CELF2: variants seen among roughly 807,000 people sequenced by gnomAD.
CELF2 encodes the protein CUGBP Elav-like family member 2, also known as CUG triplet repeat RNA-binding protein 2.
CELF2 carries 8 observed loss-of-function variants against 62.6 expected under a neutral mutation model. The observed-to-expected ratio is 0.13, with a 90% CI of 0.07 to 0.23. CELF2 has a LOEUF of 0.23. CELF2 is among the 10% of genes least tolerant of loss of function. CELF2 has a pLI of 1.00. For synonymous variants in CELF2, 258 were observed against 250.0 expected (o/e 1.03, Z -0.30); for missense variants, 333 against 671.0 (o/e 0.50, Z 5.56).
chr10:10,869,421 G>A (rs2060591060), intron 1 of CELF2, among the ~76,000 whole-genome samples: 1 of 152,086 alleles, frequency 6.6e-6, no homozygotes, highest in Non-Finnish European at 1.5e-5. Flanking sequence ...AATTAATTGG[G>A]CATGGTGGTG....
At chr10:10,924,593 G>C (rs1379483496) in intron 2 of CELF2, among the ~76,000 whole-genome samples, 1 of 152,012 alleles carries the variant, frequency 6.6e-6, no homozygotes, top group Non-Finnish European at 1.5e-5. Flanking sequence ...AAAATAATTC[G>C]GTATATAAAT....
chr10:10,631,793 T>C, the CELF2 span, among the ~76,000 whole-genome samples: 5 of 151,978 alleles, frequency 3.3e-5, no homozygotes, highest in Non-Finnish European at 7.4e-5. Flanking sequence ...TTCTAAAAAA[T>C]GTAAGATAAG....
the CELF2 span, among the ~76,000 whole-genome samples, chr10:10,737,398 A>ATTAT: frequency 6.6e-6 from 1 of 152,108 alleles, no homozygotes; most frequent in South Asian, 2.1e-4. Flanking sequence ...TTATCTCTAA[A>ATTAT]CAGCTCTTTC....
the CELF2 span, among the ~76,000 whole-genome samples, chr10:10,515,307 A>T: frequency 0.43 from 65,942 of 151,660 alleles, 14,603 homozygotes; most frequent in African/African-American, 0.46. Flanking sequence ...CAATTCAATT[A>T]TGTGCTAAAA....
intron 1 of CELF2, among the ~76,000 whole-genome samples, chr10:11,135,341 C>A (rs748148090): frequency 4.3e-4 from 66 of 152,236 alleles, no homozygotes; most frequent in Non-Finnish European, 7.2e-4. Context: ...CCTGACAAGT[C>A]TTTTCTCGTA....
At chr10:11,000,669 C>T (rs1464489344), upstream of CELF2, among the ~76,000 whole-genome samples, 1 of 152,172 alleles carries the variant, frequency 6.6e-6, no homozygotes, top group East Asian at 1.9e-4. Flanking sequence ...GTGAAAGCAA[C>T]TCATATGAAC....
the CELF2 span, among the ~76,000 whole-genome samples, chr10:10,580,566 C>A: frequency 2.6e-5 from 4 of 152,196 alleles, no homozygotes; most frequent in Non-Finnish European, 4.4e-5. Context: ...CAAGCTCCTT[C>A]ATTTTTCTGG....
At chr10:11,061,546 T>C (rs2066723786) in intron 1 of CELF2, among the ~76,000 whole-genome samples, 1 of 152,234 alleles carries the variant, frequency 6.6e-6, no homozygotes, top group Admixed American at 6.5e-5. Context: ...TCAAGGTAAA[T>C]GAAACAGCCT....
chr10:11,310,283 T>A (rs1023495372), intron 9 of CELF2, among the ~76,000 whole-genome samples: 2 of 152,118 alleles, frequency 1.3e-5, no homozygotes, highest in African/African-American at 2.4e-5. Context: ...TTTGGAGCTG[T>A]GGGAAGAGGT....
the CELF2 span, among the ~76,000 whole-genome samples, chr10:10,592,359 C>T: frequency 1.3e-5 from 2 of 152,060 alleles, no homozygotes; most frequent in Admixed American, 6.6e-5. Context: ...TTTTTTCTAT[C>T]CAGTTACAGG....
chr10:11,105,602 C>T (rs1453992798), intron 1 of CELF2: 1 of 152,274 alleles, frequency 6.6e-6, no homozygotes. Flanking sequence ...ACTGGGTTTT[C>T]ATTTTGGGTT....
chr10:11,258,580 C>T (rs1172491189), intron 5 of CELF2, among the ~76,000 whole-genome samples: 1 of 152,200 alleles, frequency 6.6e-6, no homozygotes, highest in Non-Finnish European at 1.5e-5. Flanking sequence ...GTTTGCCTCT[C>T]CCTTGACAAT....
At chr10:11,124,395 A>T (rs1212817367) in intron 1 of CELF2, among the ~76,000 whole-genome samples, 1 of 152,210 alleles carries the variant, frequency 6.6e-6, no homozygotes, top group Non-Finnish European at 1.5e-5. Flanking sequence ...TATCACTTAG[A>T]TTCTTAATTC....
chr10:10,954,420 ATT>A (rs904024682), intron 2 of CELF2, among the ~76,000 whole-genome samples: 1 of 151,584 alleles, frequency 6.6e-6, no homozygotes, highest in Admixed American at 6.6e-5. Context: ...TAATTTTTGT[ATT>A]TTTTTAGTAG....
the CELF2 span, among the ~76,000 whole-genome samples, chr10:10,605,175 A>T: frequency 1.1e-4 from 16 of 152,214 alleles, no homozygotes; most frequent in African/African-American, 3.9e-4. Context: ...GCAGGAAAAG[A>T]AAACCAAACA....
Position 11,018,005 on chromosome 10 carries a change from G to T in CELF2, c.-85G>T. The T allele has an allele frequency of 9.6e-7, 1 of 1,045,146 alleles. No individual in the cohort carries two copies. Among genetic ancestry groups the T allele is most frequent in the African/African-American group, 1.7e-5 (1 of 57,856 alleles). The allele number at this position is 1,045,146 out of a possible 1,614,324, so 64.7% of individuals were successfully genotyped here. A position where few individuals can be genotyped will look rare whatever the true frequency, so the allele number is the denominator to read the frequency against. On this transcript the variant is annotated 5_prime_UTR_variant, in exon 1 of 13. Transcript: ENST00000633077. ...CCGCCGGGGGAGGCCGCGCGCACCT[G>T]TCCCTGCCCGTCTCGCGCCGCCCGC...
At chr10:11,229,391 T>C (rs117456062) in intron 3 of CELF2, among the ~76,000 whole-genome samples, 5 of 146,414 alleles carry the variant, frequency 3.4e-5, no homozygotes, top group Non-Finnish European at 7.4e-5. Flanking sequence ...CAAAATGATA[T>C]GTGCAGTAGA....
chr10:10,606,657 A>G, the CELF2 span, among the ~76,000 whole-genome samples: 1 of 152,284 alleles, frequency 6.6e-6, no homozygotes, highest in South Asian at 2.1e-4. Context: ...ACCAACTGAG[A>G]TTTTTGCGAA....
intron 1 of CELF2, among the ~76,000 whole-genome samples, chr10:10,859,225 C>T (rs2059921286): frequency 1.3e-5 from 2 of 152,120 alleles, no homozygotes; most frequent in African/African-American, 4.8e-5. Context: ...CTCATTCCCT[C>T]AAAATTTAAT....
Sources: allele counts gnomAD v4.1 joint callset (sites outside exome capture counted in the v4.1 genomes callset), GRCh38; gene constraint gnomAD v4.1.1; transcripts MANE v1.5; gene names NCBI Gene and HGNC (gene_info 2026-07-23, HGNC 2026-07-21).